PDCD6IP: variants seen among roughly 807,000 people sequenced by gnomAD.
PDCD6IP encodes the protein programmed cell death 6-interacting protein.
Under a neutral mutation model 103.7 loss-of-function variants are expected in PDCD6IP, and 43 were observed. That is an observed-to-expected ratio of 0.41 (90% CI 0.32 to 0.53). The LOEUF is 0.53. PDCD6IP is among the 20% of genes least tolerant of loss of function. PDCD6IP has a pLI of 0.16. For synonymous variants in PDCD6IP, 354 were observed against 378.7 expected, an observed-to-expected ratio of 0.93 and a Z score of 0.76; for missense variants, 871 against 1,036.7, an observed-to-expected ratio of 0.84 and a Z score of 2.20.
At position 33,852,921 on chromosome 3, in the gene PDCD6IP, ACTT is replaced by A. The variant is rs748998618; in HGVS notation, c.1890+189_1890+191del. On this transcript the variant is annotated intron_variant, in intron 13 of 17. Coordinates refer to ENST00000307296, the MANE Select transcript of PDCD6IP (RefSeq NM_013374.6). ...TCAGTTTTATCTATGAAACAAAGTC[ACTT>A]CTTTTTTTTTTTTTTTTGAGATGGA... Among the ~76,000 whole-genome samples the A allele has an allele frequency of 3.7e-5, 5 of 135,700 alleles. 1 individual carries two copies. The highest frequency in any genetic ancestry group is 5.4e-5 in the African/African-American group (2 of 37,014). The allele number at this position is 135,700 out of a possible 152,430, so 89.0% of individuals were successfully genotyped here.
intron 1 of PDCD6IP, among the ~76,000 whole-genome samples, chr3:33,808,991 T>C (rs1195902513): frequency 6.6e-6 from 1 of 152,236 alleles, no homozygotes; most frequent in African/African-American, 2.4e-5. Flanking sequence ...TTCTCAGATA[T>C]CTGCTTGGCT....
At chr3:33,816,503 TAAAAAAAAAAAAA>T (rs57317946) in intron 3 of PDCD6IP, among the ~76,000 whole-genome samples, 1 of 57,636 alleles carries the variant, frequency 1.7e-5, no homozygotes, top group Non-Finnish European at 3.4e-5. Context: ...AGATTCTGTC[TAAAAAAAAAAAAA>T]AAAAAAAAAA....
At chr3:33,823,014 G>A (rs1023741805) in intron 4 of PDCD6IP, among the ~76,000 whole-genome samples, 1 of 152,004 alleles carries the variant, frequency 6.6e-6, no homozygotes, top group Non-Finnish European at 1.5e-5. Context: ...AACAGTAAAT[G>A]ATTACTGTTA....
chr3:33,828,932 A>G lies in PDCD6IP; in HGVS notation c.797A>G (p.Gln266Arg), dbSNP rs745342460. ...AEYHQSILAKQQKKFGEEIAR... is the reference protein window; with the variant it reads ...AEYHQSILAKRQKKFGEEIAR... ...TACCATCAGTCTATCCTGGCAAAAC[A>G]GCAGAAGAAATTTGGAGAAGAAATT... The change falls in exon 7 of 18, where the codon CAG becomes CGG. Residue 266 changes from glutamine (Q) to arginine (R), a missense_variant. Coordinates refer to ENST00000307296, the MANE Select transcript of PDCD6IP (RefSeq NM_013374.6). The G allele has an allele frequency of 5.0e-6, 8 of 1,609,754 alleles. No individual in the cohort carries two copies. In the Admixed American group the frequency reaches 1.2e-4, roughly 24 times the overall value.
chr3:33,865,503 G>A, intron 17 of PDCD6IP, 73 bp downstream of exon 17: 1 of 1,260,068 alleles, frequency 7.9e-7, no homozygotes, highest in South Asian at 1.5e-5. Flanking sequence ...GTTAAAAACA[G>A]GGTCATCCCT....
At chr3:33,806,900 G>A (rs1363997001) in intron 1 of PDCD6IP, among the ~76,000 whole-genome samples, 1 of 152,198 alleles carries the variant, frequency 6.6e-6, no homozygotes, top group African/African-American at 2.4e-5. Flanking sequence ...CTTTTGTAAA[G>A]CATTTGTTGA....
rs1423634547 is a variant in PDCD6IP, at chr3:33,835,317, A to C, written c.835-727A>C. 3.1e-5 allele frequency: 14 copies of C among 456,702 alleles called. 1 individual carries two copies. The allele number at this position is 456,702 out of a possible 1,614,324, so 28.3% of individuals were successfully genotyped here. A position where few individuals can be genotyped will look rare whatever the true frequency, so the allele number is the denominator to read the frequency against. On this transcript the variant is annotated intron_variant, in intron 7 of 17. Coordinates refer to ENST00000307296, the MANE Select transcript of PDCD6IP (RefSeq NM_013374.6). The stretch of plus-strand genomic sequence containing the variant: ...CTGCCTTCATGTGAAGGAGTGAAAG[A>C]GGTGCATCTCAATTCTCTGTGTTGT...
intron 4 of PDCD6IP, among the ~76,000 whole-genome samples, chr3:33,822,882 C>A (rs1241579635): frequency 6.6e-6 from 1 of 152,082 alleles, no homozygotes; most frequent in Non-Finnish European, 1.5e-5. Context: ...TGGTCTTGAT[C>A]TCCTGACATC....
At chr3:33,857,252 C>T (rs1423881430) in intron 15 of PDCD6IP, among the ~76,000 whole-genome samples, 5 of 152,028 alleles carry the variant, frequency 3.3e-5, no homozygotes, top group Admixed American at 6.6e-5. Context: ...GCAGTCTTGG[C>T]TCACTGCAAC....
Position 33,852,549 on chromosome 3 carries a change from G to T in PDCD6IP, c.1703G>T (p.Gly568Val). ...GATGAAGTAAAGAAGGAAAGAGAGGGTCTGGAGAATGACTTGAAATCTGTG... is the reference window on the plus strand; with the variant it reads ...GATGAAGTAAAGAAGGAAAGAGAGGTTCTGGAGAATGACTTGAAATCTGTG... ...NLDEVKKERE[G>V]LENDLKSVNF... is the part of the protein sequence containing the mutation. Residue 568 changes from glycine to valine, a missense_variant, in exon 13 of 18, where the codon GGT becomes GTT. Physicochemically the swap from Gly to Val is moderately radical, Grantham distance 109. Transcript: ENST00000307296. The T allele has an allele frequency of 1.3e-6, 2 of 1,570,312 alleles. No individual in the cohort carries two copies. Among genetic ancestry groups the T allele is most frequent in the South Asian group, 1.2e-5 (1 of 83,744 alleles).
Position 33,798,882 on chromosome 3 carries a change from G to T in PDCD6IP, c.154G>T (p.Ala52Ser). ...AAEELSKLRR[A>S]AVGRPLDKHE... ...GGAGGAGCTCAGCAAGCTGCGCCGCGCCGCAGTCGGTCGTCCGCTGGACAA... is the reference window on the plus strand; with the variant it reads ...GGAGGAGCTCAGCAAGCTGCGCCGCTCCGCAGTCGGTCGTCCGCTGGACAA... The change falls in exon 1 of 18, where the codon GCC becomes TCC. Residue 52 changes from alanine (A) to serine (S), a missense_variant. This residue lies in a region of PDCD6IP where 114 missense variants were observed against 106.7 expected (regional missense o/e 1.07). Coordinates refer to ENST00000307296, the MANE Select transcript of PDCD6IP (RefSeq NM_013374.6). 1 of 1,548,520 alleles carries T rather than the reference G, an allele frequency of 6.5e-7. No individual in the cohort carries two copies. Among genetic ancestry groups the T allele is most frequent in the Non-Finnish European group, 8.7e-7 (1 of 1,145,318 alleles).
chr3:33,835,403 ATTC>A lies in PDCD6IP; in HGVS notation c.835-638_835-636del, dbSNP rs568512497. 2.4e-3 allele frequency: 1,027 copies of A among 433,346 alleles called. 8 individuals carry two copies. The highest frequency in any genetic ancestry group is 0.018 in the African/African-American group (873 of 48,938). The allele number at this position is 433,346 out of a possible 1,614,324, so 26.8% of individuals were successfully genotyped here. A position where few individuals can be genotyped will look rare whatever the true frequency, so the allele number is the denominator to read the frequency against. ...GGCCTTTAATAAGTTTTAATTGCTA[ATTC>A]TTTGGATGTAGAAATAACCCAACAG... On this transcript the variant is annotated intron_variant, in intron 7 of 17. Coordinates refer to ENST00000307296, the MANE Select transcript of PDCD6IP (RefSeq NM_013374.6).
intron 12 of PDCD6IP, among the ~76,000 whole-genome samples, chr3:33,846,392 A>G (rs1006933364): frequency 5.3e-5 from 8 of 152,230 alleles, no homozygotes; most frequent in African/African-American, 1.4e-4. Flanking sequence ...TGGTAGGTAC[A>G]TTGGAAAATT....
chr3:33,867,120 A>C lies in PDCD6IP; in HGVS notation c.*595A>C, dbSNP rs887153297. On this transcript the variant is annotated 3_prime_UTR_variant, in exon 18 of 18. Transcript: ENST00000307296. ...ACAGATACTGTTTTTAAGTGCATGAATAGTACAAGTTATTATCAAGGATGT... is the reference window on the plus strand; with the variant it reads ...ACAGATACTGTTTTTAAGTGCATGACTAGTACAAGTTATTATCAAGGATGT... 2.6e-5 allele frequency: 4 copies of C among 152,182 alleles called. No homozygotes were observed. The highest frequency in any genetic ancestry group is 4.4e-5 in the Non-Finnish European group (3 of 68,014). The allele number at this position is 152,182 out of a possible 1,614,324, so 9.4% of individuals were successfully genotyped here. A position where few individuals can be genotyped will look rare whatever the true frequency, so the allele number is the denominator to read the frequency against.
At chr3:33,824,037 C>T (rs1025969092) in intron 4 of PDCD6IP, among the ~76,000 whole-genome samples, 8 of 152,114 alleles carry the variant, frequency 5.3e-5, no homozygotes, top group Non-Finnish European at 1.0e-4. Context: ...AGTTCTTTAA[C>T]CTCTCTAGTA....
chr3:33,799,088 C>A (rs990078721), intron 1 of PDCD6IP, 151 bp downstream of exon 1: 4 of 762,324 alleles, frequency 5.2e-6, no homozygotes, highest in Admixed American at 2.9e-5. Context: ...GCATTCTTTG[C>A]TGGTGAGCAG....
intron 4 of PDCD6IP, among the ~76,000 whole-genome samples, chr3:33,822,731 C>T (rs1260237650): frequency 6.6e-6 from 1 of 152,184 alleles, no homozygotes; most frequent in East Asian, 1.9e-4. Flanking sequence ...TCTCGGCTCA[C>T]TGCAAGCTCC....
chr3:33,826,389 C>G (rs553600389), intron 5 of PDCD6IP, 91 bp from the exon 6 acceptor site: 27 of 779,066 alleles, frequency 3.5e-5, no homozygotes, highest in Non-Finnish European at 5.3e-5. Context: ...TTTTCAGATG[C>G]GTGTACAAAC....
rs1176740689 is a variant in PDCD6IP at position 33,867,195 on chromosome 3, G to A, written c.*670G>A. 6.6e-6 allele frequency: 1 copy of A among 152,112 alleles called. No homozygotes were observed. The highest frequency in any genetic ancestry group is 6.6e-5 in the Admixed American group (1 of 15,266). The allele number at this position is 152,112 out of a possible 1,614,324, so 9.4% of individuals were successfully genotyped here. On this transcript the variant is annotated 3_prime_UTR_variant, in exon 18 of 18. Coordinates refer to ENST00000307296, the MANE Select transcript of PDCD6IP (RefSeq NM_013374.6). Reference sequence around the variant, plus strand: ...TATCATACTTTATCTTTCGTATGCTGATTAGTAAACGATTTTTGACATTTA... The same window carrying A: ...TATCATACTTTATCTTTCGTATGCTAATTAGTAAACGATTTTTGACATTTA...
Sources: allele counts gnomAD v4.1 joint callset (sites outside exome capture counted in the v4.1 genomes callset), GRCh38; gene constraint gnomAD v4.1.1; regional missense constraint gnomAD v4.1.1; transcripts MANE v1.5; gene names NCBI Gene and HGNC (gene_info 2026-07-23, HGNC 2026-07-21).